LNP1: variants seen among roughly 807,000 people sequenced by gnomAD.
The protein encoded by LNP1 is leukemia NUP98 fusion partner 1.
A neutral mutation model predicts 14.5 loss-of-function variants in LNP1; 12 were observed. That is an observed-to-expected ratio of 0.83 (90% CI 0.53 to 1.34). The LOEUF (loss-of-function observed/expected upper bound fraction) is 1.34. Ranked by LOEUF, LNP1 falls within the 40% of genes most tolerant of loss-of-function variation. The pLI is 0.00. For synonymous variants in LNP1, 75 were observed against 71.4 expected (o/e 1.05, Z -0.26); for missense variants, 198 against 210.9 (o/e 0.94, Z 0.38).
intron 1 of LNP1, among the ~76,000 whole-genome samples, chr3:100,424,184 C>T (rs1028138370): frequency 3.9e-5 from 6 of 152,096 alleles, no homozygotes; most frequent in African/African-American, 1.4e-4. Context: ...GGTATATTTA[C>T]ATCTTGTTGT....
At chr3:100,453,424 TAA>T (rs778105596) in intron 3 of LNP1, among the ~76,000 whole-genome samples, 20 of 134,190 alleles carry the variant, frequency 1.5e-4, no homozygotes, top group Non-Finnish European at 1.3e-4. Flanking sequence ...CTACGAAAAT[TAA>T]AAAAAAAAAA....
chr3:100,406,290 A>G (rs929186340), intron 1 of LNP1, among the ~76,000 whole-genome samples: 2 of 151,586 alleles, frequency 1.3e-5, no homozygotes, highest in African/African-American at 2.4e-5. Flanking sequence ...CGCCTCAAGA[A>G]AAAAAAAACC....
intron 3 of LNP1, 28 bp downstream of exon 3, chr3:100,451,977 A>C (rs1394381307): frequency 6.6e-7 from 1 of 1,510,614 alleles, no homozygotes; most frequent in South Asian, 1.2e-5. Flanking sequence ...TGAATATTTA[A>C]GCCGCTTTAA....
At chr3:100,438,646 G>C (rs1357831945) in intron 2 of LNP1, among the ~76,000 whole-genome samples, 2 of 152,204 alleles carry the variant, frequency 1.3e-5, no homozygotes, top group African/African-American at 4.8e-5. Flanking sequence ...TGGGGACAGA[G>C]AGTGCATGGG....
chr3:100,428,452 A>G (rs1171886213), intron 1 of LNP1, among the ~76,000 whole-genome samples: 2 of 151,902 alleles, frequency 1.3e-5, no homozygotes, highest in Non-Finnish European at 2.9e-5. Flanking sequence ...GAATCATTTG[A>G]ACCTGGGAAG....
intron 2 of LNP1, among the ~76,000 whole-genome samples, chr3:100,450,089 CTT>C (rs57762414): frequency 0.034 from 4,651 of 135,094 alleles, 220 homozygotes; most frequent in African/African-American, 0.12. Context: ...CACCATACCA[CTT>C]TTTTTTTTTT....
At chr3:100,410,770 G>A (rs1411298390) in intron 1 of LNP1, among the ~76,000 whole-genome samples, 2 of 152,152 alleles carry the variant, frequency 1.3e-5, no homozygotes, top group African/African-American at 4.8e-5. Context: ...TTACAGGATG[G>A]GACCATAGAG....
chr3:100,452,794 G>A (rs1229476936), intron 3 of LNP1, among the ~76,000 whole-genome samples: 1 of 152,122 alleles, frequency 6.6e-6, no homozygotes, highest in African/African-American at 2.4e-5. Flanking sequence ...CATGAAATAG[G>A]GGGAAGAATA....
intron 1 of LNP1, among the ~76,000 whole-genome samples, chr3:100,412,251 C>G (rs139722861): frequency 6.6e-6 from 1 of 152,222 alleles, no homozygotes; most frequent in Non-Finnish European, 1.5e-5. Flanking sequence ...TAATCTGTTC[C>G]CAGAGAGCTA....
chr3:100,424,573 C>A (rs1440184234), intron 1 of LNP1, among the ~76,000 whole-genome samples: 1 of 152,218 alleles, frequency 6.6e-6, no homozygotes, highest in Non-Finnish European at 1.5e-5. Context: ...TAGGCACACT[C>A]TGCCTACCAC....
At chr3:100,443,133 A>G (rs1412947582) in intron 2 of LNP1, among the ~76,000 whole-genome samples, 1 of 152,210 alleles carries the variant, frequency 6.6e-6, no homozygotes, top group Non-Finnish European at 1.5e-5. Context: ...GCTTTATGAA[A>G]GCACAGCCTG....
chr3:100,429,496 G>A (rs766115604), intron 1 of LNP1, among the ~76,000 whole-genome samples: 5 of 152,224 alleles, frequency 3.3e-5, no homozygotes, highest in Non-Finnish European at 5.9e-5. Context: ...CAAGGGGAGG[G>A]GAATGTGGGC....
chr3:100,444,345 A>G (rs1203182642), intron 2 of LNP1, among the ~76,000 whole-genome samples: 2 of 152,218 alleles, frequency 1.3e-5, no homozygotes, highest in Non-Finnish European at 2.9e-5. Flanking sequence ...ATTACTTATA[A>G]TGTCCATTAA....
At chr3:100,421,125 T>C (rs1707140488) in intron 1 of LNP1, among the ~76,000 whole-genome samples, 1 of 152,218 alleles carries the variant, frequency 6.6e-6, no homozygotes, top group Non-Finnish European at 1.5e-5. Context: ...ATTACAGTCA[T>C]GAGTCACTGC....
At chr3:100,447,036 G>T (rs1000315594) in intron 2 of LNP1, among the ~76,000 whole-genome samples, 3 of 152,104 alleles carry the variant, frequency 2.0e-5, no homozygotes. Flanking sequence ...TGGAAGACAG[G>T]GCGGCAATTC....
intron 1 of LNP1, among the ~76,000 whole-genome samples, chr3:100,428,977 A>G (rs902275562): frequency 6.6e-6 from 1 of 152,194 alleles, no homozygotes; most frequent in Non-Finnish European, 1.5e-5. Flanking sequence ...AGGGGGATAC[A>G]TGGAGCCAGT....
intron 1 of LNP1, among the ~76,000 whole-genome samples, chr3:100,423,089 G>A (rs935255438): frequency 6.6e-6 from 1 of 151,916 alleles, no homozygotes; most frequent in Admixed American, 6.6e-5. Context: ...ATAGAACATA[G>A]CACACAGTTT....
intron 2 of LNP1, among the ~76,000 whole-genome samples, chr3:100,445,828 A>C (rs1388295409): frequency 2.0e-5 from 3 of 152,214 alleles, no homozygotes; most frequent in Non-Finnish European, 4.4e-5. Flanking sequence ...GAGACAAATC[A>C]TGAGTGAACT....
intron 1 of LNP1, among the ~76,000 whole-genome samples, chr3:100,422,071 G>T (rs1054616455): frequency 6.6e-6 from 1 of 151,828 alleles, no homozygotes; most frequent in Non-Finnish European, 1.5e-5. Flanking sequence ...GAGGCTTGTA[G>T]ATTCAACAGA....
Sources: allele counts gnomAD v4.1 joint callset (sites outside exome capture counted in the v4.1 genomes callset), GRCh38; gene constraint gnomAD v4.1.1; transcripts MANE v1.5; gene names NCBI Gene and HGNC (gene_info 2026-07-23, HGNC 2026-07-21).